ERBB4: variants seen among roughly 807,000 people sequenced by gnomAD.
ERBB4 encodes the protein receptor tyrosine-protein kinase erbB-4.
ERBB4 carries 42 observed loss-of-function variants against 158.0 expected under a neutral mutation model. The observed-to-expected ratio is 0.27, with a 90% CI of 0.21 to 0.34. The LOEUF (loss-of-function observed/expected upper bound fraction) is 0.34, where lower values mean the gene tolerates loss of function less well. Among genes scored for constraint, ERBB4 ranks in the 10% least tolerant of loss-of-function variants. The pLI, the probability that ERBB4 is intolerant of heterozygous loss-of-function variation, is 1.00. For synonymous variants in ERBB4, 583 were observed against 558.7 expected, an observed-to-expected ratio of 1.04 and a Z score of -0.61; for missense variants, 1,333 against 1,624.1, an observed-to-expected ratio of 0.82 and a Z score of 3.08.
intron 3 of ERBB4, among the ~76,000 whole-genome samples, chr2:211,931,726 C>G (rs942659309): frequency 1.3e-5 from 2 of 152,004 alleles, no homozygotes; most frequent in African/African-American, 4.8e-5. Context: ...TACGAATCTT[C>G]TGGTTGCTAG....
At chr2:212,098,176 C>T (rs2078984535) in intron 2 of ERBB4, among the ~76,000 whole-genome samples, 1 of 152,140 alleles carries the variant, frequency 6.6e-6, no homozygotes, top group Non-Finnish European at 1.5e-5. Flanking sequence ...ATCTTCATGG[C>T]TCCCTTCTCC....
intron 2 of ERBB4, among the ~76,000 whole-genome samples, chr2:212,040,016 G>GTT (rs964862612): frequency 3.4e-5 from 5 of 145,094 alleles, no homozygotes; most frequent in African/African-American, 1.0e-4. Context: ...AGTGAACTAT[G>GTT]TTTTTTTTTT....
At chr2:211,433,508 G>C (rs112412919) in intron 20 of ERBB4, among the ~76,000 whole-genome samples, 6,007 of 151,860 alleles carry the variant, frequency 0.04, 178 homozygotes, top group Non-Finnish European at 0.059. Context: ...GTGAACCTGG[G>C]AGGCTGAGCT....
chr2:212,413,661 C>G (rs2091570040), intron 1 of ERBB4, among the ~76,000 whole-genome samples: 1 of 152,004 alleles, frequency 6.6e-6, no homozygotes, highest in African/African-American at 2.4e-5. Context: ...AGAAAGGGCC[C>G]TGGGCTTGAA....
chr2:212,031,980 C>T (rs1176621092), intron 2 of ERBB4, among the ~76,000 whole-genome samples: 1 of 152,102 alleles, frequency 6.6e-6, no homozygotes, highest in African/African-American at 2.4e-5. Context: ...AGCAACTTTG[C>T]TGTCTCTTGG....
chr2:212,230,238 T>A (rs1214373825), intron 1 of ERBB4, among the ~76,000 whole-genome samples: 2 of 151,960 alleles, frequency 1.3e-5, no homozygotes, highest in African/African-American at 4.8e-5. Context: ...TGAGCTGAGA[T>A]CACACCACTG....
At chr2:212,053,056 T>C (rs1441699224) in intron 2 of ERBB4, among the ~76,000 whole-genome samples, 1 of 152,108 alleles carries the variant, frequency 6.6e-6, no homozygotes, top group African/African-American at 2.4e-5. Context: ...TGGTGGCTCA[T>C]GCCTAAAGCC....
At chr2:212,462,660 T>A (rs997397336) in intron 1 of ERBB4, among the ~76,000 whole-genome samples, 1 of 152,090 alleles carries the variant, frequency 6.6e-6, no homozygotes, top group African/African-American at 2.4e-5. Flanking sequence ...AGTGGAAATA[T>A]AAATTAGTAC....
chr2:212,070,763 T>C (rs1275115299), intron 2 of ERBB4, among the ~76,000 whole-genome samples: 2 of 151,968 alleles, frequency 1.3e-5, no homozygotes, highest in Admixed American at 1.3e-4. Context: ...TAGATCTTCA[T>C]GACTTTGGGT....
At chr2:211,588,204 A>G (rs906193366) in intron 19 of ERBB4, among the ~76,000 whole-genome samples, 3 of 152,192 alleles carry the variant, frequency 2.0e-5, no homozygotes, top group Non-Finnish European at 4.4e-5. Flanking sequence ...TTGGAAGAAT[A>G]TACAAGAAAC....
chr2:211,710,809 T>TC (rs1409434471), intron 9 of ERBB4, among the ~76,000 whole-genome samples: 1 of 152,036 alleles, frequency 6.6e-6, no homozygotes, highest in Admixed American at 6.6e-5. Context: ...GACATGCTTT[T>TC]CTCCTCCTTG....
intron 1 of ERBB4, among the ~76,000 whole-genome samples, chr2:212,228,315 C>T (rs1023617425): frequency 5.3e-5 from 8 of 152,074 alleles, no homozygotes; most frequent in African/African-American, 1.9e-4. Flanking sequence ...AAACCCCAAA[C>T]CTGAACTTTA....
intron 1 of ERBB4, among the ~76,000 whole-genome samples, chr2:212,465,857 C>T (rs909352315): frequency 2.6e-5 from 4 of 152,120 alleles, no homozygotes; most frequent in African/African-American, 4.8e-5. Context: ...AAACAAACTT[C>T]GAATGTTAAG....
intron 1 of ERBB4, among the ~76,000 whole-genome samples, chr2:212,333,389 A>ATG (rs1380989768): frequency 2.0e-5 from 3 of 151,302 alleles, no homozygotes; most frequent in Non-Finnish European, 4.4e-5. Flanking sequence ...ATATATATAT[A>ATG]TATTTCAGGC....
At chr2:211,431,770 C>T (rs2063752967) in intron 20 of ERBB4, among the ~76,000 whole-genome samples, 1 of 151,948 alleles carries the variant, frequency 6.6e-6, no homozygotes, top group African/African-American at 2.4e-5. Flanking sequence ...CTGAAATTAG[C>T]CTTTAATATT....
chr2:211,993,146 C>G (rs923358235), intron 2 of ERBB4, among the ~76,000 whole-genome samples: 1 of 152,300 alleles, frequency 6.6e-6, no homozygotes, highest in South Asian at 2.1e-4. Flanking sequence ...ATTGAAGACT[C>G]TGGCACCTTA....
At chr2:212,457,896 G>A (rs1688379323) in intron 1 of ERBB4, among the ~76,000 whole-genome samples, 1 of 151,840 alleles carries the variant, frequency 6.6e-6, no homozygotes, top group Admixed American at 6.6e-5. Flanking sequence ...AGGCACCCTA[G>A]TAATATTTAC....
At chr2:212,500,439 A>C (rs1690824909) in intron 1 of ERBB4, among the ~76,000 whole-genome samples, 1 of 152,128 alleles carries the variant, frequency 6.6e-6, no homozygotes, top group African/African-American at 2.4e-5. Flanking sequence ...CTGTCCATTA[A>C]ATTAGCCACC....
intron 18 of ERBB4, among the ~76,000 whole-genome samples, chr2:211,621,529 C>T (rs897819509): frequency 6.6e-6 from 1 of 152,068 alleles, no homozygotes; most frequent in African/African-American, 2.4e-5. Flanking sequence ...CAAATAAATG[C>T]TCTTAATACA....
Sources: gnomAD v4.1 joint callset for allele counts (sites outside exome capture counted in the v4.1 genomes callset) on GRCh38, gnomAD v4.1.1 for gene constraint, MANE v1.5 for transcripts, NCBI Gene and HGNC (gene_info 2026-07-23, HGNC 2026-07-21) for gene names.